The following CCDC102B variants were observed in gnomAD, a reference collection of about 807,000 sequenced individuals.
The protein encoded by CCDC102B is coiled-coil domain containing 102B.
A neutral mutation model predicts 57.4 loss-of-function variants in CCDC102B; 75 were observed. The observed-to-expected ratio is 1.31, with a 90% CI of 1.08 to 1.58. The LOEUF (loss-of-function observed/expected upper bound fraction) is 1.58. Among genes scored for constraint, CCDC102B ranks in the 40% most tolerant of loss-of-function variants. The pLI, the probability that CCDC102B is intolerant of heterozygous loss-of-function variation, is 0.00. For missense variants in CCDC102B, 636 were observed against 582.6 expected, an observed-to-expected ratio of 1.09 and a Z score of -0.94; for synonymous variants, 206 against 201.9, an observed-to-expected ratio of 1.02 and a Z score of -0.17.
chr18:68,813,973 G>C lies in CCDC102B; in HGVS notation c.-16+15792G>C, dbSNP rs115665015. ...ACTTTACAATTGACTTGATATAGAA[G>C]ATGATGAAGAATGGTTAGTAAGAGA... On this transcript the variant is annotated intron_variant, in intron 1 of 7. Coordinates refer to ENST00000360242, the MANE Select transcript of CCDC102B (RefSeq NM_024781.3). 9.8e-3 allele frequency among the ~76,000 whole-genome samples: 1,485 copies of C among 152,034 alleles called. 26 individuals carry two copies. Among genetic ancestry groups the C allele is most frequent in the African/African-American group, 0.034 (1,397 of 41,512 alleles).
intron 6 of CCDC102B, among the ~76,000 whole-genome samples, chr18:68,900,736 G>T (rs1424792119): frequency 3.9e-5 from 6 of 151,910 alleles, no homozygotes; most frequent in African/African-American, 1.5e-4. Flanking sequence ...AGTAAAAGTT[G>T]GTAAGCTCAT....
intron 6 of CCDC102B, among the ~76,000 whole-genome samples, chr18:68,918,338 T>A (rs975080611): frequency 1.4e-4 from 22 of 152,302 alleles, no homozygotes; most frequent in Non-Finnish European, 2.5e-4. Flanking sequence ...TTCACTGATT[T>A]TTTTTCTCTA....
At chr18:68,797,095 G>C (rs891918550), upstream of CCDC102B, among the ~76,000 whole-genome samples, 8 of 151,976 alleles carry the variant, frequency 5.3e-5, no homozygotes, top group African/African-American at 1.9e-4. Context: ...CAAAGATAGA[G>C]GAGAGAGAAT....
intron 1 of CCDC102B, among the ~76,000 whole-genome samples, chr18:68,815,419 C>A (rs958645433): frequency 6.6e-6 from 1 of 152,138 alleles, no homozygotes; most frequent in Admixed American, 6.6e-5. Flanking sequence ...TTAGTTCTCT[C>A]TAGATTCATT....
At chr18:68,795,184 C>G (rs2035590106), upstream of CCDC102B, among the ~76,000 whole-genome samples, 1 of 151,932 alleles carries the variant, frequency 6.6e-6, no homozygotes. Flanking sequence ...AAAGAGATTT[C>G]TAGATTGAGA....
chr18:68,931,406 C>T (rs968590157), intron 6 of CCDC102B, among the ~76,000 whole-genome samples: 2 of 151,702 alleles, frequency 1.3e-5, no homozygotes, highest in South Asian at 4.1e-4. Flanking sequence ...CTAATTTGGA[C>T]CAACACCTTC....
At chr18:68,984,434 G>A (rs2050672102) in intron 6 of CCDC102B, among the ~76,000 whole-genome samples, 1 of 152,070 alleles carries the variant, frequency 6.6e-6, no homozygotes, top group Admixed American at 6.6e-5. Flanking sequence ...TGTAGTTCTG[G>A]CACTTCTTCC....
chr18:68,970,142 A>T (rs1212355036), intron 6 of CCDC102B, among the ~76,000 whole-genome samples: 1 of 152,082 alleles, frequency 6.6e-6, no homozygotes, highest in Non-Finnish European at 1.5e-5. Context: ...TTTAGCAACT[A>T]TGCTGTCAAA....
chr18:68,968,685 T>G (rs986825198), intron 6 of CCDC102B, among the ~76,000 whole-genome samples: 1 of 152,164 alleles, frequency 6.6e-6, no homozygotes, highest in Admixed American at 6.5e-5. Context: ...TTATACCCAC[T>G]GAACAACTCC....
chr18:68,831,981 G>A (rs947828661), intron 1 of CCDC102B, among the ~76,000 whole-genome samples: 1 of 151,884 alleles, frequency 6.6e-6, no homozygotes, highest in Non-Finnish European at 1.5e-5. Context: ...TTTTATCAGA[G>A]TATATGTCAT....
chr18:68,874,787 T>G lies in CCDC102B; in HGVS notation c.1053+2T>G. On this transcript the variant is annotated splice_donor_variant, in intron 5 of 7. Transcript: ENST00000360242. LOFTEE classifies it high-confidence loss of function. ...GTGATTTGTGAGTTAAGAGCAGAGGTAAGACACTGGGTAAAGAGTACCATA... is the reference window on the plus strand; with the variant it reads ...GTGATTTGTGAGTTAAGAGCAGAGGGAAGACACTGGGTAAAGAGTACCATA... The G allele has an allele frequency of 6.5e-7, 1 of 1,530,404 alleles. No individual in the cohort carries two copies. Among genetic ancestry groups the G allele is most frequent in the Non-Finnish European group, 9.1e-7 (1 of 1,104,916 alleles). The allele number at this position is 1,530,404 out of a possible 1,614,324, so 94.8% of individuals were successfully genotyped here.
chr18:69,009,924 AT>A (rs770668683), intron 6 of CCDC102B, among the ~76,000 whole-genome samples: 1,418 of 33,442 alleles, frequency 0.042, 18 homozygotes, highest in African/African-American at 0.11. Flanking sequence ...TTTAATAAAG[AT>A]TTTTTTTTTT....
intron 6 of CCDC102B, among the ~76,000 whole-genome samples, chr18:69,004,937 T>C (rs571631992): frequency 1.1e-4 from 16 of 152,338 alleles, no homozygotes; most frequent in African/African-American, 3.6e-4. Context: ...ACGGATAAAA[T>C]GCTCTTATTT....
intron 6 of CCDC102B, among the ~76,000 whole-genome samples, chr18:68,905,375 CTAT>C (rs1362354387): frequency 2.7e-5 from 4 of 149,372 alleles, no homozygotes; most frequent in African/African-American, 9.9e-5. Flanking sequence ...ACATAAAACA[CTAT>C]TGTTACAAAG....
At chr18:69,020,014 T>C (rs1292340268) in intron 7 of CCDC102B, among the ~76,000 whole-genome samples, 2 of 151,558 alleles carry the variant, frequency 1.3e-5, no homozygotes, top group African/African-American at 4.9e-5. Context: ...TCACATGAAT[T>C]AATTCGTGTG....
At chr18:68,863,633 C>G (rs1468444741) in intron 4 of CCDC102B, among the ~76,000 whole-genome samples, 1 of 151,798 alleles carries the variant, frequency 6.6e-6, no homozygotes, top group Non-Finnish European at 1.5e-5. Flanking sequence ...AATTTACATT[C>G]CCCCCAACCC....
chr18:69,050,251 GA>G (rs975903197), intron 7 of CCDC102B, among the ~76,000 whole-genome samples: 44 of 152,226 alleles, frequency 2.9e-4, no homozygotes, highest in African/African-American at 7.9e-4. Flanking sequence ...ATAGCACTTC[GA>G]TAAGATGAGA....
At chr18:68,764,718 C>T (rs2034366831) in intron 2 of CCDC102B, among the ~76,000 whole-genome samples, 1 of 151,938 alleles carries the variant, frequency 6.6e-6, no homozygotes, top group African/African-American at 2.4e-5. Flanking sequence ...TAATTTACTA[C>T]AAATAAATTT....
intron 7 of CCDC102B, among the ~76,000 whole-genome samples, chr18:69,014,978 A>AGTGTGTGTGTGTGTGTGTGTGTGTGTGT (rs3035604): frequency 5.0e-5 from 7 of 139,330 alleles, no homozygotes; most frequent in South Asian, 2.4e-4. Context: ...AGAGAGAGAG[A>AGTGTGTGTGTGTGTGTGTGTGTGTGTGT]GTGTGTGTGT....
Sources: gnomAD v4.1 joint callset for allele counts (sites outside exome capture counted in the v4.1 genomes callset) on GRCh38, gnomAD v4.1.1 for gene constraint, MANE v1.5 for transcripts, NCBI Gene and HGNC (gene_info 2026-07-23, HGNC 2026-07-21) for gene names.